Variants in PTK2 observed in about 807,000 individuals in gnomAD.
PTK2 encodes protein tyrosine kinase 2.
In PTK2, 45 loss-of-function variants were observed where a neutral mutation model predicts 150.1. The observed-to-expected ratio is 0.30, with a 90% CI of 0.24 to 0.38. PTK2 has a LOEUF of 0.38. Among genes scored for constraint, PTK2 ranks in the 10% least tolerant of loss-of-function variants. The pLI, the probability that PTK2 is intolerant of heterozygous loss-of-function variation, is 1.00. For synonymous variants in PTK2, 432 were observed against 449.2 expected, an observed-to-expected ratio of 0.96 and a Z score of 0.48; for missense variants, 919 against 1,307.3, an observed-to-expected ratio of 0.70 and a Z score of 4.58.
chr8:140,921,218 T>C (rs2100167286), intron 2 of PTK2: 1 of 850,030 alleles, frequency 1.2e-6, no homozygotes, highest in East Asian at 4.9e-5. Flanking sequence ...TCTGTGTTCC[T>C]AGATTCATTC....
chr8:140,858,421 G>A, intron 5 of PTK2, among the ~76,000 whole-genome samples: 1 of 148,590 alleles, frequency 6.7e-6, no homozygotes, highest in Admixed American at 6.7e-5. Flanking sequence ...GATCAAGCAA[G>A]GGCAGAAAAA....
intron 2 of PTK2, among the ~76,000 whole-genome samples, chr8:140,902,257 ACTC>A (rs2100158800): frequency 6.6e-6 from 1 of 151,922 alleles, no homozygotes; most frequent in Non-Finnish European, 1.5e-5. Context: ...CTGGTCTCAA[ACTC>A]CTGACATCAG....
chr8:140,957,812 C>CT (rs2100181711), intron 1 of PTK2, among the ~76,000 whole-genome samples: 1 of 152,208 alleles, frequency 6.6e-6, no homozygotes, highest in Non-Finnish European at 1.5e-5. Context: ...ATAGGCTATA[C>CT]TATATAGCCC....
chr8:140,995,153 G>T (rs1234115274), intron 1 of PTK2, among the ~76,000 whole-genome samples: 1 of 151,482 alleles, frequency 6.6e-6, no homozygotes, highest in African/African-American at 2.4e-5. Flanking sequence ...GGCCGAGGTG[G>T]GTGGATCACA....
exon 3 of PTK2, chr8:140,890,589 G>A: frequency 6.2e-7 from 1 of 1,614,104 alleles, no homozygotes; most frequent in African/African-American, 1.3e-5. Flanking sequence ...GGCCCAGGTG[G>A]TTGGCTCACT....
intron 26 of PTK2, among the ~76,000 whole-genome samples, chr8:140,694,496 T>C (rs2100025288): frequency 6.6e-6 from 1 of 152,196 alleles, no homozygotes; most frequent in African/African-American, 2.4e-5. Context: ...GAAAGAAAGA[T>C]ACAAACTGGC....
At chr8:140,958,309 C>A (rs11167012) in intron 1 of PTK2, among the ~76,000 whole-genome samples, 67,109 of 151,668 alleles carry the variant, frequency 0.44, 15,220 homozygotes, top group Admixed American at 0.55. Flanking sequence ...CAGCTAATTT[C>A]TTTTTTTTAA....
At position 140,749,379 on chromosome 8, in the gene PTK2, AAGCCT is replaced by A. The variant is rs370275239; in HGVS notation, c.1418-2524_1418-2520del. Among the ~76,000 whole-genome samples, 3 of 152,350 alleles carry A rather than the reference AAGCCT, an allele frequency of 2.0e-5. No homozygotes were observed. In the South Asian group the frequency reaches 6.2e-4, roughly 32 times the overall value. ...TATGTTATTCTCACATATAATTATC[AAGCCT>A]TTCATATTTCCTCAGAAGTAATTAT... On this transcript the variant is annotated intron_variant, in intron 17 of 31. Coordinates refer to ENST00000522684, the Ensembl canonical transcript of PTK2.
At chr8:140,904,069 G>T (rs748298817) in intron 2 of PTK2, among the ~76,000 whole-genome samples, 1 of 152,120 alleles carries the variant, frequency 6.6e-6, no homozygotes, top group Non-Finnish European at 1.5e-5. Flanking sequence ...CGGCATCCTT[G>T]TCTTGTGCCA....
At chr8:140,973,434 A>C (rs928435533) in intron 1 of PTK2, among the ~76,000 whole-genome samples, 1 of 152,072 alleles carries the variant, frequency 6.6e-6, no homozygotes, top group African/African-American at 2.4e-5. Flanking sequence ...TCCTAAATTT[A>C]GATATACCCC....
At chr8:140,860,051 A>C (rs961305587) in intron 5 of PTK2, among the ~76,000 whole-genome samples, 4 of 152,112 alleles carry the variant, frequency 2.6e-5, no homozygotes, top group African/African-American at 9.7e-5. Flanking sequence ...TTTTTTTCCC[A>C]CATAAACGAA....
intron 8 of PTK2, among the ~76,000 whole-genome samples, chr8:140,823,900 C>CA (rs1340030793): frequency 6.6e-6 from 1 of 152,180 alleles, no homozygotes; most frequent in Non-Finnish European, 1.5e-5. Flanking sequence ...ACTTTACGCC[C>CA]GTAACATTCT....
At position 140,759,999 on chromosome 8, in the gene PTK2, G is replaced by A. The variant is rs182802382; in HGVS notation, c.1332+1166C>T. On this transcript the variant is annotated intron_variant, in intron 16 of 31. Transcript: ENST00000522684. ...AGCACTTTGGGAGGCCGAGGCAGGC[G>A]GATCACAAGGTCAAGAGATCGAGAC... is the stretch of plus-strand genomic sequence containing the variant. Among the ~76,000 whole-genome samples, 1,000 of 152,020 alleles carry A rather than the reference G, an allele frequency of 6.6e-3. 12 individuals are homozygous for A. Among genetic ancestry groups the A allele is most frequent in the African/African-American group, 0.023 (955 of 41,372 alleles).
upstream of PTK2, among the ~76,000 whole-genome samples, chr8:141,001,532 G>A (rs1336062802): frequency 1.3e-5 from 2 of 152,154 alleles, no homozygotes; most frequent in Non-Finnish European, 2.9e-5. Context: ...GACGAGGAAA[G>A]CCCTGGTCTC....
intron 14 of PTK2, 28 bp downstream of exon 16, chr8:140,769,547 G>T: frequency 7.5e-7 from 1 of 1,324,982 alleles, no homozygotes; most frequent in Middle Eastern, 2.1e-4. Context: ...TCTCATAGCA[G>T]TAACACAAAT....
chr8:140,757,970 T>C (rs1034107835), intron 16 of PTK2, among the ~76,000 whole-genome samples: 6 of 152,248 alleles, frequency 3.9e-5, no homozygotes, highest in Non-Finnish European at 8.8e-5. Context: ...CAATTATGTA[T>C]AGTGATTAAT....
intron 1 of PTK2, among the ~76,000 whole-genome samples, chr8:140,979,918 C>G (rs969882371): frequency 6.6e-6 from 1 of 152,142 alleles, no homozygotes; most frequent in African/African-American, 2.4e-5. Context: ...TTCTAAATTA[C>G]CCAGTCTCGG....
chr8:140,811,527 C>T (rs905513022), intron 10 of PTK2, among the ~76,000 whole-genome samples: 14 of 152,102 alleles, frequency 9.2e-5, no homozygotes, highest in East Asian at 5.8e-4. Context: ...TCTAAATGAC[C>T]GCACCACCTC....
At chr8:140,868,953 T>A in intron 4 of PTK2, among the ~76,000 whole-genome samples, 1 of 152,202 alleles carries the variant, frequency 6.6e-6, no homozygotes, top group Non-Finnish European at 1.5e-5. Flanking sequence ...CTCCTGGTTT[T>A]ACTAGCTATA....
Sources: allele counts gnomAD v4.1 joint callset (sites outside exome capture counted in the v4.1 genomes callset), GRCh38; gene constraint gnomAD v4.1.1; transcripts MANE v1.5; gene names NCBI Gene and HGNC (gene_info 2026-07-23, HGNC 2026-07-21).